CLUL1: variants seen among roughly 807,000 people sequenced by gnomAD.
CLUL1 encodes the protein clusterin like 1, also known as clusterin-like protein 1.
CLUL1 carries 43 observed loss-of-function variants against 49.4 expected under a neutral mutation model. That is an observed-to-expected ratio of 0.87 (90% CI 0.68 to 1.12). The LOEUF is 1.12. Among genes scored for constraint, CLUL1 ranks in the 50% most tolerant of loss-of-function variants. The pLI is 0.00. For synonymous variants in CLUL1, 192 were observed against 184.9 expected (o/e 1.04, Z -0.31); for missense variants, 486 against 544.4 (o/e 0.89, Z 1.07).
chr18:636,624 CTTTT>C (rs68150473), intron 7 of CLUL1, among the ~76,000 whole-genome samples: 2 of 122,030 alleles, frequency 1.6e-5, no homozygotes, highest in Non-Finnish European at 1.7e-5. Context: ...CCCTTTCTCT[CTTTT>C]TTTTTTTTTT....
chr18:615,038 T>G (rs186784605), intron 2 of CLUL1, among the ~76,000 whole-genome samples: 1 of 152,356 alleles, frequency 6.6e-6, no homozygotes, highest in African/African-American at 2.4e-5. Context: ...TATTTTCCAG[T>G]TGATGCCACA....
intron 1 of CLUL1, chr18:598,622 A>G: frequency 2.5e-6 from 1 of 398,486 alleles, no homozygotes; most frequent in Non-Finnish European, 4.4e-6. Flanking sequence ...TTGTGTCACA[A>G]CCAAAAAAGT....
At position 606,627 on chromosome 18, in the gene CLUL1, G is replaced by A. The variant is rs561995780; in HGVS notation, c.-135-351G>A. ...AGCCTGGCTTTCTCACCCAGGGCTC[G>A]CCCCAGAACAACCACCGGCTTCTTT... is the stretch of plus-strand genomic sequence containing the variant. On this transcript the variant is annotated intron_variant, in intron 1 of 9. Transcript: ENST00000692774. The surrounding 1 kb of genome is among the most constrained non-coding windows in gnomAD (Gnocchi z 4.1). Among the ~76,000 whole-genome samples, 5 of 152,142 alleles carry A rather than the reference G, an allele frequency of 3.3e-5. No homozygotes were observed. The highest frequency in any genetic ancestry group is 1.9e-4 in the East Asian group (1 of 5,172).
chr18:618,470 T>C lies in CLUL1; in HGVS notation c.106+364T>C, dbSNP rs2073375553. On this transcript the variant is annotated intron_variant, in intron 3 of 9. Coordinates refer to ENST00000692774, the MANE Select transcript of CLUL1 (RefSeq NM_001393344.1). The surrounding 1 kb of genome is among the most constrained non-coding windows in gnomAD (Gnocchi z 4.2). ...TAAACCATTAGAGTAATCTGTGCAA[T>C]TGTTCTTAAACTAGTGAAAGAATGG... Among the ~76,000 whole-genome samples the C allele has an allele frequency of 6.6e-6, 1 of 152,238 alleles. No individual in the cohort carries two copies. The highest frequency in any genetic ancestry group is 1.5e-5 in the Non-Finnish European group (1 of 68,040).
At chr18:608,076 A>G (rs192065976) in intron 2 of CLUL1, among the ~76,000 whole-genome samples, 1 of 152,300 alleles carries the variant, frequency 6.6e-6, no homozygotes, top group Admixed American at 6.5e-5. Context: ...GAACCGTCAG[A>G]TGCATGCCAG....
intron 5 of CLUL1, 79 bp from the exon 6 acceptor site, chr18:626,990 GGAAGGAAGGAAGGAAGGAAAGAAAGAAA>G (rs2073807003): frequency 5.0e-4 from 1 of 1,982 alleles, no homozygotes; most frequent in African/African-American, 6.7e-4. Flanking sequence ...AAGGAAGGAA[GGAAGGAAGGAAGGAAGGAAAGAAAGAAA>G]GAAAGAAAGA....
Position 625,003 on chromosome 18 carries a change from C to G in CLUL1, c.394C>G (p.Gln132Glu). ...NNCMRIYTTC[Q>E]PSWSSVKNKI... is the part of the protein sequence containing the mutation. ...CTGCATGAGAATTTATACAACCTGC[C>G]AACCTAGCTGGTCCTCTGTGAAAAA... The change falls in exon 5 of 10, where the codon CAA (glutamine) becomes GAA (glutamate). Residue 132 changes from glutamine to glutamate, a missense_variant. By Grantham distance (29) the Gln-to-Glu change is conservative. Transcript: ENST00000692774. 1 of 1,614,090 alleles carries G rather than the reference C, an allele frequency of 6.2e-7. No homozygotes were observed. The highest frequency in any genetic ancestry group is 8.5e-7 in the Non-Finnish European group (1 of 1,179,982).
chr18:646,341 T>A (rs1302748884), intron 9 of CLUL1, among the ~76,000 whole-genome samples: 1 of 152,004 alleles, frequency 6.6e-6, no homozygotes, highest in African/African-American at 2.4e-5. Flanking sequence ...AGGCCTTTTT[T>A]TTTTTCTAGT....
intron 6 of CLUL1, among the ~76,000 whole-genome samples, chr18:631,472 T>C (rs1196950755): frequency 6.6e-6 from 1 of 152,128 alleles, no homozygotes; most frequent in Non-Finnish European, 1.5e-5. Flanking sequence ...GAGTAGATGA[T>C]TTAGCTCAGT....
intron 2 of CLUL1, among the ~76,000 whole-genome samples, chr18:611,787 T>C (rs1387180621): frequency 6.6e-6 from 1 of 152,166 alleles, no homozygotes; most frequent in African/African-American, 2.4e-5. Context: ...GATTTGGTCA[T>C]CATTGGCTTC....
intron 4 of CLUL1, among the ~76,000 whole-genome samples, chr18:620,015 A>AT (rs1191208742): frequency 2.0e-5 from 3 of 151,986 alleles, no homozygotes; most frequent in Non-Finnish European, 4.4e-5. Context: ...TGGCCCAGAG[A>AT]TTTTTGGTCT....
chr18:604,230 A>G (rs1227177531), intron 1 of CLUL1, among the ~76,000 whole-genome samples: 1 of 152,208 alleles, frequency 6.6e-6, no homozygotes, highest in Non-Finnish European at 1.5e-5. Context: ...GTGTGTATCA[A>G]TACTTCACTC....
intron 8 of CLUL1, among the ~76,000 whole-genome samples, chr18:642,590 C>G (rs942170069): frequency 6.6e-6 from 1 of 152,166 alleles, no homozygotes; most frequent in East Asian, 1.9e-4. Context: ...ACAAATGCGC[C>G]AGGCTAGTGA....
In CLUL1 at chr18:639,657, C is replaced by A. The variant is rs371819661; in HGVS notation, c.995-1670C>A. Among the ~76,000 whole-genome samples, 4 of 151,572 alleles carry A rather than the reference C, an allele frequency of 2.6e-5. No individual in the cohort carries two copies. In the East Asian group the frequency reaches 5.8e-4, roughly 22 times the overall value. ...GCATGCGCCTGTAGTCCCAGCTACT[C>A]GGGAGGCTGAGGCACAAGTATCACT... is the stretch of plus-strand genomic sequence containing the variant. On this transcript the variant is annotated intron_variant, in intron 7 of 9. Transcript: ENST00000692774.
chr18:616,088 T>C (rs1489747818), intron 2 of CLUL1, among the ~76,000 whole-genome samples: 2 of 152,212 alleles, frequency 1.3e-5, no homozygotes, highest in Non-Finnish European at 2.9e-5. Flanking sequence ...GAGAGACCCA[T>C]CGTGTAGATT....
Position 644,965 on chromosome 18 carries a change from CA to C in CLUL1, c.1266del (p.Asp423ThrfsTer2). On this transcript the variant is annotated frameshift_variant, in exon 9 of 10. Transcript: ENST00000692774. LOFTEE classifies it high-confidence loss of function. ...NISKQDETMM[T>X]DLSILPSSNF... ...TCCAAACAAGATGAAACAATGATGACAGACTTAAGCATTCTGCCTTCCTCTA... is the reference window on the plus strand; with the variant it reads ...TCCAAACAAGATGAAACAATGATGACGACTTAAGCATTCTGCCTTCCTCTA... The C allele has an allele frequency of 6.2e-7, 1 of 1,613,412 alleles. No individual in the cohort carries two copies. The highest frequency in any genetic ancestry group is 1.1e-5 in the South Asian group (1 of 90,914).
At position 618,448 on chromosome 18, in the gene CLUL1, A is replaced by C. The variant is rs1008896389; in HGVS notation, c.106+342A>C. ...CTTTTCTAGCATTTGAAAAATTTAA[A>C]CCATTAGAGTAATCTGTGCAATTGT... On this transcript the variant is annotated intron_variant, in intron 3 of 9. Coordinates refer to ENST00000692774, the MANE Select transcript of CLUL1 (RefSeq NM_001393344.1). This position sits in a 1 kb window ranked among gnomAD's most constrained non-coding sequence, Gnocchi z 4.2. Among the ~76,000 whole-genome samples, 1 of 152,190 alleles carries C rather than the reference A, an allele frequency of 6.6e-6. No individual in the cohort carries two copies. Among genetic ancestry groups the C allele is most frequent in the Non-Finnish European group, 1.5e-5 (1 of 68,030 alleles).
intron 9 of CLUL1, among the ~76,000 whole-genome samples, chr18:647,087 T>C (rs2074529381): frequency 6.6e-6 from 1 of 152,046 alleles, no homozygotes; most frequent in African/African-American, 2.4e-5. Flanking sequence ...ATTAATTAAA[T>C]ATATAAATGT....
chr18:626,820 C>G (rs2073725686), intron 5 of CLUL1, among the ~76,000 whole-genome samples: 1 of 144,248 alleles, frequency 6.9e-6, no homozygotes, highest in Admixed American at 7.5e-5. Flanking sequence ...GAGATGGTGC[C>G]ATTGCACTCC....
Sources: allele counts gnomAD v4.1 joint callset (sites outside exome capture counted in the v4.1 genomes callset), GRCh38; gene constraint gnomAD v4.1.1; non-coding constraint Gnocchi (gnomAD v3.1); transcripts MANE v1.5; gene names NCBI Gene and HGNC (gene_info 2026-07-23, HGNC 2026-07-21).